CYBRD1: variants seen among roughly 807,000 people sequenced by gnomAD.
CYBRD1 encodes plasma membrane ascorbate-dependent reductase CYBRD1.
Under a neutral mutation model 21.9 loss-of-function variants are expected in CYBRD1, and 14 were observed. The ratio of observed to expected loss-of-function variants is 0.64; its 90% confidence interval spans 0.42 to 1.00. CYBRD1 has a LOEUF of 1.00. Ranked by LOEUF, CYBRD1 falls within the 50% of genes least tolerant of loss-of-function variation. The pLI is 0.00. For missense variants in CYBRD1, 328 were observed against 352.5 expected, an observed-to-expected ratio of 0.93 and a Z score of 0.56; for synonymous variants, 146 against 136.5, an observed-to-expected ratio of 1.07 and a Z score of -0.48.
At chr2:171,545,589 A>G (rs1389267601) in intron 2 of CYBRD1, among the ~76,000 whole-genome samples, 3 of 140,234 alleles carry the variant, frequency 2.1e-5, no homozygotes, top group African/African-American at 8.0e-5. Flanking sequence ...GGGTTTCACC[A>G]TGTTGGTCAG....
intron 2 of CYBRD1, among the ~76,000 whole-genome samples, chr2:171,546,924 A>G (rs1697724841): frequency 6.6e-6 from 1 of 152,188 alleles, no homozygotes; most frequent in African/African-American, 2.4e-5. Context: ...CTGGACAGGT[A>G]TAATTATAGG....
chr2:171,538,924 A>C (rs1697587527), intron 1 of CYBRD1, among the ~76,000 whole-genome samples: 1 of 151,986 alleles, frequency 6.6e-6, no homozygotes, highest in Non-Finnish European at 1.5e-5. Flanking sequence ...CAGCCTCCCA[A>C]GTAGCTGGGA....
At chr2:171,537,409 C>A (rs1697560745) in intron 1 of CYBRD1, among the ~76,000 whole-genome samples, 1 of 152,006 alleles carries the variant, frequency 6.6e-6, no homozygotes, top group South Asian at 2.1e-4. Flanking sequence ...GAGGGGAAAC[C>A]ACAGTGTTTG....
chr2:171,546,418 C>T (rs542232068), intron 2 of CYBRD1, among the ~76,000 whole-genome samples: 1 of 152,146 alleles, frequency 6.6e-6, no homozygotes, highest in African/African-American at 2.4e-5. Flanking sequence ...CTGTGGTATG[C>T]CCCTTTATGA....
chr2:171,523,000 C>T lies in CYBRD1; in HGVS notation c.193+262C>T. 1 of 522,584 alleles carries T rather than the reference C, an allele frequency of 1.9e-6. No homozygotes were observed. The highest frequency in any genetic ancestry group is 3.8e-5 in the East Asian group (1 of 26,242). 32.4% of individuals were successfully genotyped at this position (522,584 alleles called of 1,614,324 possible). On this transcript the variant is annotated intron_variant, in intron 1 of 3. Transcript: ENST00000321348. This position sits in a 1 kb window ranked among gnomAD's most constrained non-coding sequence, Gnocchi z 4.3. ...CGCGGTGGAGACGCGCTGCTGGGGGCGGCGGAGCGGGGCCGGCCCCACTTG... is the reference window on the plus strand; with the variant it reads ...CGCGGTGGAGACGCGCTGCTGGGGGTGGCGGAGCGGGGCCGGCCCCACTTG...
intron 1 of CYBRD1, among the ~76,000 whole-genome samples, chr2:171,539,498 C>T (rs1332080281): frequency 3.3e-5 from 5 of 152,036 alleles, no homozygotes; most frequent in African/African-American, 1.2e-4. Flanking sequence ...ATACGTGATA[C>T]CCTGCTGATA....
intron 2 of CYBRD1, among the ~76,000 whole-genome samples, chr2:171,548,131 T>C (rs79764853): frequency 6.6e-6 from 1 of 151,082 alleles, no homozygotes; most frequent in South Asian, 2.1e-4. Context: ...TTATTTTTAA[T>C]TTTTTTTTAA....
In CYBRD1 at chr2:171,553,431, G is replaced by C. The variant is rs1683422685; in HGVS notation, c.488G>C (p.Gly163Ala). ...AFLMPIHVYS[G>A]IVIFGTVIAT... ...CTCATGCCCATACATGTTTATTCTGGAATTGTCATCTTTGGAACAGTGATT... is the reference window on the plus strand; with the variant it reads ...CTCATGCCCATACATGTTTATTCTGCAATTGTCATCTTTGGAACAGTGATT... Residue 163 changes from glycine (G) to alanine (A), a missense_variant, in exon 3 of 4, where the codon GGA becomes GCA. Coordinates refer to ENST00000321348, the MANE Select transcript of CYBRD1 (RefSeq NM_024843.4). 6.2e-7 allele frequency: 1 copy of C among 1,613,520 alleles called. No homozygotes were observed. The highest frequency in any genetic ancestry group is 8.5e-7 in the Non-Finnish European group (1 of 1,179,782).
chr2:171,533,754 TTTTC>T (rs569043846), intron 1 of CYBRD1, among the ~76,000 whole-genome samples: 10 of 148,514 alleles, frequency 6.7e-5, no homozygotes, highest in South Asian at 2.1e-4. Flanking sequence ...TTTTCTTTTC[TTTTC>T]TTTCTTTCTT....
intron 2 of CYBRD1, among the ~76,000 whole-genome samples, chr2:171,546,281 A>G (rs1419585172): frequency 6.6e-6 from 1 of 152,250 alleles, no homozygotes; most frequent in Non-Finnish European, 1.5e-5. Context: ...GCACAGCTAT[A>G]AATCAAGGAT....
At position 171,557,016 on chromosome 2, in the gene CYBRD1, G is replaced by A. The variant is rs1003331892; in HGVS notation, c.*2189G>A. ...ATGGCTTTGGCACTAGAATAGCACT[G>A]TTGCAAAGTATTTAAGCACCCCCCA... On this transcript the variant is annotated 3_prime_UTR_variant, in exon 4 of 4. Transcript: ENST00000321348. The A allele has an allele frequency of 7.2e-5, 11 of 152,562 alleles. No homozygotes were observed. The highest frequency in any genetic ancestry group is 2.4e-4 in the African/African-American group (10 of 41,426). 9.5% of individuals were successfully genotyped at this position (152,562 alleles called of 1,614,324 possible). A position where few individuals can be genotyped will look rare whatever the true frequency, so the allele number is the denominator to read the frequency against.
chr2:171,541,993 T>C (rs1361195241), intron 2 of CYBRD1, among the ~76,000 whole-genome samples, 200 bp downstream of exon 2: 1 of 151,448 alleles, frequency 6.6e-6, no homozygotes, highest in Non-Finnish European at 1.5e-5. Flanking sequence ...GCCTCCCAAG[T>C]AGCTGGGATT....
chr2:171,557,064 T>A lies in CYBRD1; in HGVS notation c.*2237T>A, dbSNP rs1370884490. ...CCATCTCAGCCCTTTATTTTATCTT[T>A]CATGTGGGCTAATGTGAGGATAATC... is the stretch of plus-strand genomic sequence containing the variant. On this transcript the variant is annotated 3_prime_UTR_variant, in exon 4 of 4. Coordinates refer to ENST00000321348, the MANE Select transcript of CYBRD1 (RefSeq NM_024843.4). The A allele has an allele frequency of 6.6e-6, 1 of 152,600 alleles. No individual in the cohort carries two copies. The highest frequency in any genetic ancestry group is 1.5e-5 in the Non-Finnish European group (1 of 68,026). 9.5% of individuals were successfully genotyped at this position (152,600 alleles called of 1,614,324 possible).
chr2:171,534,120 G>T (rs984584473), intron 1 of CYBRD1, among the ~76,000 whole-genome samples: 1 of 152,054 alleles, frequency 6.6e-6, no homozygotes, highest in Non-Finnish European at 1.5e-5. Context: ...TTCTTTTTAA[G>T]TTTGTCATGC....
At chr2:171,550,997 C>T in intron 2 of CYBRD1, 1 of 232,442 alleles carries the variant, frequency 4.3e-6, no homozygotes, top group Non-Finnish European at 8.3e-6. Context: ...CACTCTGTCA[C>T]CCAGGCTGGA....
chr2:171,544,436 C>G (rs568674560), intron 2 of CYBRD1, among the ~76,000 whole-genome samples: 2 of 152,240 alleles, frequency 1.3e-5, no homozygotes, highest in African/African-American at 2.4e-5. Flanking sequence ...AAATTCTTCT[C>G]TACCCTGAGG....
intron 1 of CYBRD1, among the ~76,000 whole-genome samples, chr2:171,531,234 A>G (rs895825298): frequency 2.0e-5 from 3 of 152,064 alleles, no homozygotes; most frequent in Admixed American, 2.0e-4. Flanking sequence ...TAAAAGGTCA[A>G]AACAAGCTTT....
In CYBRD1 at chr2:171,536,971, A is replaced by G. The variant is rs79647379; in HGVS notation, c.194-4614A>G. The stretch of plus-strand genomic sequence containing the variant: ...TGGTGATGATGATAACAAAAAAACA[A>G]CAATATTAATTTTAAACCATGAATT... On this transcript the variant is annotated intron_variant, in intron 1 of 3. Coordinates refer to ENST00000321348, the MANE Select transcript of CYBRD1 (RefSeq NM_024843.4). Among the ~76,000 whole-genome samples the G allele has an allele frequency of 2.6e-3, 398 of 152,344 alleles. 2 individuals are homozygous for G. The highest frequency in any genetic ancestry group is 8.8e-3 in the African/African-American group (366 of 41,582).
Position 171,554,795 on chromosome 2 carries a change from C to A in CYBRD1, c.829C>A (p.Leu277Met). The change falls in exon 4 of 4, where the codon CTG becomes ATG. Residue 277 changes from leucine to methionine, a missense_variant. Physicochemically the swap from Leu to Met is conservative, Grantham distance 15 (BLOSUM62 2). Transcript: ENST00000321348. ...EVAARKRNLA[L>M]DEAGQRSTM Reference sequence around the variant, plus strand: ...AGCAGCAAGGAAAAGAAACTTAGCTCTGGATGAGGCTGGGCAGAGATCTAC... The same window carrying A: ...AGCAGCAAGGAAAAGAAACTTAGCTATGGATGAGGCTGGGCAGAGATCTAC... The A allele has an allele frequency of 1.2e-6, 2 of 1,613,068 alleles. No individual in the cohort carries two copies. Among genetic ancestry groups the A allele is most frequent in the Non-Finnish European group, 1.7e-6 (2 of 1,179,786 alleles).
Sources: gnomAD v4.1 joint callset for allele counts (sites outside exome capture counted in the v4.1 genomes callset) on GRCh38, gnomAD v4.1.1 for gene constraint, Gnocchi (gnomAD v3.1) non-coding constraint, MANE v1.5 for transcripts, NCBI Gene and HGNC (gene_info 2026-07-23, HGNC 2026-07-21) for gene names.